RELN: variants seen among roughly 807,000 people sequenced by gnomAD.
RELN encodes reelin.
Under a neutral mutation model 427.6 loss-of-function variants are expected in RELN, and 108 were observed. That is an observed-to-expected ratio of 0.25 (90% confidence interval 0.22 to 0.30). The LOEUF (loss-of-function observed/expected upper bound fraction) is 0.30, where lower values mean the gene tolerates loss of function less well. Among genes scored for constraint, RELN ranks in the 10% least tolerant of loss-of-function variants. RELN has a pLI of 1.00. For missense variants in RELN, 3,715 were observed against 4,302.8 expected, an observed-to-expected ratio of 0.86 and a Z score of 3.82; for synonymous variants, 1,524 against 1,513.4, an observed-to-expected ratio of 1.01 and a Z score of -0.16.
intron 8 of RELN, among the ~76,000 whole-genome samples, chr7:103,716,358 G>C (rs768348996): frequency 1.8e-4 from 27 of 152,216 alleles, no homozygotes; most frequent in Middle Eastern, 3.4e-3. Flanking sequence ...ATTTGATAAT[G>C]AACTTCTCAA....
intron 2 of RELN, among the ~76,000 whole-genome samples, chr7:103,892,536 G>A (rs1038697242): frequency 9.2e-5 from 14 of 152,114 alleles, no homozygotes; most frequent in Admixed American, 7.2e-4. Flanking sequence ...TTCCAGATGT[G>A]TATTAGGGAA....
chr7:103,779,150 G>T (rs1452404370), intron 3 of RELN, among the ~76,000 whole-genome samples: 1 of 152,162 alleles, frequency 6.6e-6, no homozygotes, highest in Admixed American at 6.5e-5. Context: ...GTTCCACAGT[G>T]ATGCCCTAGG....
intron 2 of RELN, among the ~76,000 whole-genome samples, chr7:103,848,449 T>C (rs981106076): frequency 6.6e-6 from 1 of 152,152 alleles, no homozygotes; most frequent in Non-Finnish European, 1.5e-5. Flanking sequence ...AAGAGTCATG[T>C]CCACCCCACC....
At chr7:103,751,220 G>A (rs1270877697) in intron 5 of RELN, among the ~76,000 whole-genome samples, 3 of 152,076 alleles carry the variant, frequency 2.0e-5, no homozygotes, top group African/African-American at 7.2e-5. Flanking sequence ...AATAATATCT[G>A]ATTAACAAAA....
intron 34 of RELN, 91 bp downstream of exon 34, chr7:103,565,187 A>G: frequency 6.8e-7 from 1 of 1,479,054 alleles, no homozygotes; most frequent in East Asian, 2.3e-5. Flanking sequence ...TCATGAAAGA[A>G]TAATAGAATC....
chr7:103,727,777 A>G (rs537975149), intron 7 of RELN, among the ~76,000 whole-genome samples: 28 of 152,166 alleles, frequency 1.8e-4, no homozygotes, highest in Non-Finnish European at 3.5e-4. Context: ...CAATTTTAAG[A>G]GCATGGCTTT....
chr7:103,595,982 CA>C (rs1831528116), intron 25 of RELN, among the ~76,000 whole-genome samples: 1 of 152,022 alleles, frequency 6.6e-6, no homozygotes, highest in African/African-American at 2.4e-5. Context: ...TAGGCCAGGG[CA>C]AAATTTTTAG....
chr7:103,945,031 A>G (rs1290516211), intron 1 of RELN, among the ~76,000 whole-genome samples: 6 of 152,186 alleles, frequency 3.9e-5, no homozygotes, highest in Admixed American at 3.9e-4. Flanking sequence ...TTGTAGTTCT[A>G]CCTGGCAGTG....
intron 3 of RELN, among the ~76,000 whole-genome samples, chr7:103,802,789 A>G (rs529535445): frequency 8.5e-5 from 13 of 152,120 alleles, no homozygotes; most frequent in African/African-American, 3.1e-4. Flanking sequence ...AGGGATTTAA[A>G]AAGTGTTCCT....
At chr7:103,926,646 T>TG (rs1795746703) in intron 1 of RELN, among the ~76,000 whole-genome samples, 1 of 50,276 alleles carries the variant, frequency 2.0e-5, no homozygotes, top group Admixed American at 1.8e-4. Flanking sequence ...TTTTTTTTTT[T>TG]TTTTTTTTTT....
intron 11 of RELN, among the ~76,000 whole-genome samples, chr7:103,671,813 G>C (rs1833399294): frequency 6.6e-6 from 1 of 151,974 alleles, no homozygotes; most frequent in Admixed American, 6.6e-5. Flanking sequence ...ATGTATCTGG[G>C]CTCCATAAAT....
chr7:103,636,885 C>T (rs1832595760), intron 17 of RELN, among the ~76,000 whole-genome samples: 1 of 152,088 alleles, frequency 6.6e-6, no homozygotes, highest in Admixed American at 6.6e-5. Context: ...TGTTAAAATA[C>T]ATGTTATGTT....
chr7:103,912,342 G>T (rs986240922), intron 2 of RELN, among the ~76,000 whole-genome samples: 2 of 151,838 alleles, frequency 1.3e-5, no homozygotes, highest in Admixed American at 1.3e-4. Flanking sequence ...CTGCCACCAT[G>T]CCTGGCTAAT....
chr7:103,865,722 A>C (rs1794182418), intron 2 of RELN, among the ~76,000 whole-genome samples: 2 of 152,168 alleles, frequency 1.3e-5, no homozygotes, highest in African/African-American at 4.8e-5. Context: ...AAACTCTCAA[A>C]AAACTACGTA....
At position 103,626,700 on chromosome 7, in the gene RELN, C is replaced by T. The variant is rs1832337462; in HGVS notation, c.2702+3240G>A. On this transcript the variant is annotated intron_variant, in intron 20 of 64. Transcript: ENST00000428762. This position sits in a 1 kb window ranked among gnomAD's most constrained non-coding sequence, Gnocchi z 4.4. The stretch of plus-strand genomic sequence containing the variant: ...AATACGACAGCAATTTCCTTCAAAC[C>T]TGTTGTATCTAGCTGGTTTATTAGA... Among the ~76,000 whole-genome samples the T allele has an allele frequency of 6.6e-6, 1 of 152,050 alleles. No individual in the cohort carries two copies. Among genetic ancestry groups the T allele is most frequent in the Non-Finnish European group, 1.5e-5 (1 of 67,976 alleles).
intron 3 of RELN, among the ~76,000 whole-genome samples, chr7:103,823,207 T>A (rs1584269502): frequency 6.6e-6 from 1 of 150,420 alleles, no homozygotes; most frequent in Non-Finnish European, 1.5e-5. Flanking sequence ...CTCTGTACTT[T>A]CAATGTTTTT....
intron 9 of RELN, among the ~76,000 whole-genome samples, chr7:103,698,819 T>C (rs1464755897): frequency 3.9e-5 from 6 of 152,188 alleles, no homozygotes; most frequent in Admixed American, 3.9e-4. Context: ...CTGGCAAAGC[T>C]GTGATCTTAA....
intron 1 of RELN, among the ~76,000 whole-genome samples, chr7:103,939,094 C>A (rs531506306): frequency 2.0e-5 from 3 of 151,946 alleles, no homozygotes. Flanking sequence ...TTACAGGCAC[C>A]CGCCACCACG....
At chr7:103,652,331 A>T (rs1246112417) in intron 14 of RELN, among the ~76,000 whole-genome samples, 1 of 151,502 alleles carries the variant, frequency 6.6e-6, no homozygotes, top group African/African-American at 2.4e-5. Context: ...GATACCTAAG[A>T]TCAAGCTCTT....
Sources: gnomAD v4.1 joint callset for allele counts (sites outside exome capture counted in the v4.1 genomes callset) on GRCh38, gnomAD v4.1.1 for gene constraint, Gnocchi (gnomAD v3.1) non-coding constraint, MANE v1.5 for transcripts, NCBI Gene and HGNC (gene_info 2026-07-23, HGNC 2026-07-21) for gene names.